RALYL: variants seen among roughly 807,000 people sequenced by gnomAD.
The protein encoded by RALYL is RNA-binding Raly-like protein.
Under a neutral mutation model 35.1 loss-of-function variants are expected in RALYL, and 29 were observed. The ratio of observed to expected loss-of-function variants is 0.83; its 90% CI spans 0.61 to 1.13. RALYL has a LOEUF of 1.13. Ranked by LOEUF, RALYL falls within the 50% of genes most tolerant of loss-of-function variation. The pLI is 0.00. For missense variants in RALYL, 359 were observed against 360.4 expected (o/e 1.00, Z 0.03); for synonymous variants, 120 against 127.6 (o/e 0.94, Z 0.40).
intron 1 of RALYL, among the ~76,000 whole-genome samples, chr8:84,462,130 A>AT (rs887717317): frequency 2.1e-4 from 31 of 148,088 alleles, no homozygotes; most frequent in East Asian, 1.0e-3. Context: ...TTTTATTTTT[A>AT]TTTTTTTTTA....
chr8:84,374,353 T>G (rs1044680366), intron 1 of RALYL, among the ~76,000 whole-genome samples: 1 of 151,980 alleles, frequency 6.6e-6, no homozygotes, highest in Non-Finnish European at 1.5e-5. Flanking sequence ...TTGTCATAGG[T>G]ACCTCTTATT....
At chr8:84,188,749 A>G (rs1476224389) in intron 1 of RALYL, among the ~76,000 whole-genome samples, 3 of 152,114 alleles carry the variant, frequency 2.0e-5, no homozygotes, top group Non-Finnish European at 4.4e-5. Context: ...GCATAGATAT[A>G]ACACAGCTAT....
rs569802412 is a variant in RALYL, at chr8:84,532,615, G to A, written c.256+3038G>A. Reference sequence around the variant, plus strand: ...TTCTCCTTTCTCTTAAGAGTGAGAAGGAAATTAATATTGATTAGATCATGC... The same window carrying A: ...TTCTCCTTTCTCTTAAGAGTGAGAAAGAAATTAATATTGATTAGATCATGC... On this transcript the variant is annotated intron_variant, in intron 2 of 8. Transcript: ENST00000521268. Among the ~76,000 whole-genome samples the A allele has an allele frequency of 3.3e-5, 5 of 152,032 alleles. No homozygotes were observed. The East Asian group carries it at 9.7e-4, about 29-fold the overall frequency.
chr8:84,580,361 A>T (rs1200305493), intron 2 of RALYL, among the ~76,000 whole-genome samples: 1 of 152,216 alleles, frequency 6.6e-6, no homozygotes, highest in Non-Finnish European at 1.5e-5. Context: ...GCTGTATAAG[A>T]AGGAGGGTGC....
intron 1 of RALYL, among the ~76,000 whole-genome samples, chr8:84,250,283 T>G (rs1829931131): frequency 6.6e-6 from 1 of 152,112 alleles, no homozygotes; most frequent in Non-Finnish European, 1.5e-5. Flanking sequence ...AAGCTTCAGG[T>G]GTGTCTTCCT....
At chr8:84,254,602 C>T (rs1830853712) in intron 1 of RALYL, among the ~76,000 whole-genome samples, 1 of 151,736 alleles carries the variant, frequency 6.6e-6, no homozygotes, top group Admixed American at 6.6e-5. Flanking sequence ...TGAAAATTTT[C>T]CTGAGTTCTA....
At chr8:84,490,755 G>C (rs1000503069) in intron 1 of RALYL, among the ~76,000 whole-genome samples, 1 of 151,230 alleles carries the variant, frequency 6.6e-6, no homozygotes, top group Middle Eastern at 3.4e-3. Context: ...TTGATTGAGG[G>C]TGAATCAGAG....
At chr8:84,538,454 T>A (rs1330051135) in intron 2 of RALYL, among the ~76,000 whole-genome samples, 1 of 152,186 alleles carries the variant, frequency 6.6e-6, no homozygotes, top group Non-Finnish European at 1.5e-5. Context: ...TATGAACTAA[T>A]TTTAGAATGC....
At chr8:84,869,147 T>C (rs1011522728) in intron 6 of RALYL, among the ~76,000 whole-genome samples, 3 of 152,124 alleles carry the variant, frequency 2.0e-5, no homozygotes, top group Non-Finnish European at 4.4e-5. Flanking sequence ...TCCTTGATCA[T>C]ATTTTTCACA....
intron 1 of RALYL, among the ~76,000 whole-genome samples, chr8:84,322,258 T>A (rs967800094): frequency 2.6e-5 from 4 of 152,126 alleles, no homozygotes; most frequent in African/African-American, 9.7e-5. Context: ...GTAGATCATA[T>A]TCTGTGCCCA....
At chr8:84,286,662 G>T (rs1159761668) in intron 1 of RALYL, among the ~76,000 whole-genome samples, 1 of 152,154 alleles carries the variant, frequency 6.6e-6, no homozygotes, top group East Asian at 1.9e-4. Flanking sequence ...ACTATATATT[G>T]GTATGATCTA....
chr8:84,598,094 C>T (rs1172972730), intron 2 of RALYL, among the ~76,000 whole-genome samples: 1 of 152,140 alleles, frequency 6.6e-6, no homozygotes, highest in African/African-American at 2.4e-5. Context: ...CTAGATTGTT[C>T]TGCTCTGCCT....
chr8:84,895,539 G>C (rs1463709688), intron 8 of RALYL, among the ~76,000 whole-genome samples: 4 of 152,060 alleles, frequency 2.6e-5, no homozygotes, highest in African/African-American at 9.7e-5. Flanking sequence ...TTGAGACAGA[G>C]TCTCTCTCTG....
At chr8:84,524,665 A>T (rs2058735585) in intron 1 of RALYL, among the ~76,000 whole-genome samples, 1 of 152,118 alleles carries the variant, frequency 6.6e-6, no homozygotes, top group Admixed American at 6.6e-5. Context: ...ATTTATAATA[A>T]ATGTATCATA....
chr8:84,800,466 T>C (rs767469737), intron 3 of RALYL, among the ~76,000 whole-genome samples: 3 of 152,214 alleles, frequency 2.0e-5, no homozygotes, highest in African/African-American at 7.2e-5. Context: ...GTATTATAAT[T>C]CATTTAGCTC....
At chr8:84,540,992 A>G (rs1564112954) in intron 2 of RALYL, among the ~76,000 whole-genome samples, 1 of 152,004 alleles carries the variant, frequency 6.6e-6, no homozygotes, top group Non-Finnish European at 1.5e-5. Context: ...TAATCAGAAT[A>G]GTGATAATTT....
chr8:84,678,790 C>G (rs1834755900), intron 2 of RALYL: 1 of 153,284 alleles, frequency 6.5e-6, no homozygotes, highest in South Asian at 2.0e-4. Flanking sequence ...GCACTGGCAT[C>G]TCTTAAAATG....
chr8:84,460,729 C>T (rs770591841), intron 1 of RALYL, among the ~76,000 whole-genome samples: 37 of 151,480 alleles, frequency 2.4e-4, no homozygotes, highest in African/African-American at 6.5e-4. Context: ...AAAGAACTTT[C>T]GTGGTCATTT....
chr8:84,768,718 G>A (rs1484046446), intron 2 of RALYL, among the ~76,000 whole-genome samples: 10 of 152,122 alleles, frequency 6.6e-5, no homozygotes, highest in East Asian at 5.8e-4. Context: ...CTCAAAAATC[G>A]TTAAGTCGAA....
Sources: allele counts gnomAD v4.1 joint callset (sites outside exome capture counted in the v4.1 genomes callset), GRCh38; gene constraint gnomAD v4.1.1; transcripts MANE v1.5; gene names NCBI Gene and HGNC (gene_info 2026-07-23, HGNC 2026-07-21).